Variants in CDK19 observed in about 807,000 individuals in gnomAD.
CDK19 encodes cyclin-dependent kinase 19.
Under a neutral mutation model 68.3 loss-of-function variants are expected in CDK19, and 20 were observed. That is an observed-to-expected ratio of 0.29 (90% CI 0.21 to 0.43). The LOEUF (loss-of-function observed/expected upper bound fraction) is 0.43, where lower values mean the gene tolerates loss of function less well. CDK19 is among the 20% of genes least tolerant of loss of function. CDK19 has a pLI of 1.00. For missense variants in CDK19, 339 were observed against 623.5 expected, an observed-to-expected ratio of 0.54 and a Z score of 4.86; for synonymous variants, 221 against 222.8, an observed-to-expected ratio of 0.99 and a Z score of 0.07.
In CDK19 at chr6:110,744,020, T is replaced by TG. The variant is rs1294402957; in HGVS notation, c.204+2105_204+2106insC. ...ACAAATACCTCCCCACGTTTTTTTTTTTTTTTTTTTTGAGACAGAGTCTCG... is the reference window on the plus strand; with the variant it reads ...ACAAATACCTCCCCACGTTTTTTTTTGTTTTTTTTTTTGAGACAGAGTCTCG... On this transcript the variant is annotated intron_variant, in intron 2 of 12. Transcript: ENST00000368911. Among the ~76,000 whole-genome samples, 26 of 148,632 alleles carry TG rather than the reference T, an allele frequency of 1.7e-4. 1 individual carries two copies. Among genetic ancestry groups the TG allele is most frequent in the South Asian group, 1.3e-3 (6 of 4,620 alleles).
In CDK19 at chr6:110,688,134, C is replaced by G. The variant is rs555655903; in HGVS notation, c.205-17593G>C. ...GGCATGGTGGCTCATGCCTGTAATCCCAGCACTTTGGGAGGCCAAGGTGGG... is the reference window on the plus strand; with the variant it reads ...GGCATGGTGGCTCATGCCTGTAATCGCAGCACTTTGGGAGGCCAAGGTGGG... On this transcript the variant is annotated intron_variant, in intron 2 of 12. Transcript: ENST00000368911. Among the ~76,000 whole-genome samples the G allele has an allele frequency of 3.9e-5, 6 of 151,984 alleles. No homozygotes were observed. The South Asian group carries it at 8.3e-4, about 21-fold the overall frequency.
intron 2 of CDK19, among the ~76,000 whole-genome samples, chr6:110,675,276 G>A (rs1216536273): frequency 6.6e-6 from 1 of 152,192 alleles, no homozygotes; most frequent in Non-Finnish European, 1.5e-5. Context: ...CGCAACTGGT[G>A]ATTTGAAGTT....
At chr6:110,791,856 G>A (rs1265184103) in intron 1 of CDK19, among the ~76,000 whole-genome samples, 1 of 151,912 alleles carries the variant, frequency 6.6e-6, no homozygotes, top group Non-Finnish European at 1.5e-5. Flanking sequence ...ATGTTGTCTA[G>A]GCTGATCTTG....
At chr6:110,790,368 C>T (rs1781505039) in intron 1 of CDK19, among the ~76,000 whole-genome samples, 1 of 152,008 alleles carries the variant, frequency 6.6e-6, no homozygotes, top group Admixed American at 6.6e-5. Flanking sequence ...AAACCCATCT[C>T]TACTAAAAAT....
At chr6:110,812,443 G>A (rs1783179586) in intron 1 of CDK19, among the ~76,000 whole-genome samples, 1 of 152,076 alleles carries the variant, frequency 6.6e-6, no homozygotes, top group Admixed American at 6.6e-5. Context: ...TTTAATTAAA[G>A]GTGAAAAACT....
In CDK19 at chr6:110,667,479, A is replaced by G; in HGVS notation, c.411T>C (p.Asp137=). Residue 137 remains aspartate (D), a synonymous_variant, in exon 4 of 13, where the codon GAT becomes GAC. Transcript: ENST00000368911. The stretch of plus-strand genomic sequence containing the variant: ...AATTTGCATGGAGGTAATGGATACC[A>G]TCAAGAATCTGGTAAAGTAAGGATT... ...MVKSLLYQIL[D]GIHYLHANWV... The G allele has an allele frequency of 3.1e-6, 5 of 1,597,892 alleles. No homozygotes were observed. Among genetic ancestry groups the G allele is most frequent in the Non-Finnish European group, 4.3e-6 (5 of 1,170,184 alleles).
chr6:110,758,348 C>T (rs919464886), intron 1 of CDK19, among the ~76,000 whole-genome samples: 2 of 152,128 alleles, frequency 1.3e-5, no homozygotes, highest in African/African-American at 2.4e-5. Flanking sequence ...AAGAGCTCAT[C>T]GAATTTAACA....
At position 110,621,042 on chromosome 6, in the gene CDK19, A is replaced by T; in HGVS notation, c.1377+62T>A. On this transcript the variant is annotated intron_variant, in intron 12 of 12. Transcript: ENST00000368911. This position sits in a 1 kb window ranked among gnomAD's most constrained non-coding sequence, Gnocchi z 5.4. Reference sequence around the variant, plus strand: ...TTAAGTGTTACTTAACTCTAAAAGGATCTAGGATAAATCTTTTCCCCACTT... The same window carrying T: ...TTAAGTGTTACTTAACTCTAAAAGGTTCTAGGATAAATCTTTTCCCCACTT... The T allele has an allele frequency of 6.7e-7, 1 of 1,485,322 alleles. No individual in the cohort carries two copies. The highest frequency in any genetic ancestry group is 9.1e-7 in the Non-Finnish European group (1 of 1,093,388). 92.0% of individuals were successfully genotyped at this position (1,485,322 alleles called of 1,614,324 possible). A position where few individuals can be genotyped will look rare whatever the true frequency, so the allele number is the denominator to read the frequency against.
At chr6:110,679,790 T>G (rs550387930) in intron 2 of CDK19, among the ~76,000 whole-genome samples, 4 of 152,352 alleles carry the variant, frequency 2.6e-5, no homozygotes, top group African/African-American at 9.6e-5. Context: ...GACATGAAGC[T>G]ATTAAATGGA....
chr6:110,657,407 A>T (rs567603840), intron 4 of CDK19, among the ~76,000 whole-genome samples: 1 of 152,194 alleles, frequency 6.6e-6, no homozygotes. Context: ...TTATTCTTAT[A>T]AGGTATCTAT....
intron 2 of CDK19, among the ~76,000 whole-genome samples, chr6:110,673,985 T>C (rs190427371): frequency 1.3e-5 from 2 of 152,328 alleles, no homozygotes; most frequent in Non-Finnish European, 1.5e-5. Flanking sequence ...GTGGCAACCC[T>C]GCATCAACCA....
intron 2 of CDK19, among the ~76,000 whole-genome samples, chr6:110,686,339 G>C (rs1331935697): frequency 6.6e-6 from 1 of 152,182 alleles, no homozygotes; most frequent in Non-Finnish European, 1.5e-5. Flanking sequence ...TTGAGAATTT[G>C]AGCATTAATC....
In CDK19 at chr6:110,655,340, T is replaced by G. The variant is rs190184971; in HGVS notation, c.456+12094A>C. Among the ~76,000 whole-genome samples the G allele has an allele frequency of 1.1e-4, 16 of 150,814 alleles. No homozygotes were observed. The East Asian group carries it at 3.1e-3, about 29-fold the overall frequency. ...GAGATCGCGCCACTGCACTCTAGCC[T>G]GGGCAACAGAGCAAGACTCCATCTC... On this transcript the variant is annotated intron_variant, in intron 4 of 12. Transcript: ENST00000368911.
chr6:110,813,774 T>C (rs1562309886), intron 1 of CDK19: 2 of 152,386 alleles, frequency 1.3e-5, no homozygotes, highest in South Asian at 4.1e-4. Flanking sequence ...CTAGAGTTCA[T>C]ATACCAACCA....
intron 2 of CDK19, among the ~76,000 whole-genome samples, chr6:110,742,522 G>C (rs556933520): frequency 2.0e-5 from 3 of 152,282 alleles, no homozygotes; most frequent in Admixed American, 6.5e-5. Flanking sequence ...AGGCAGAATA[G>C]AGCCATATTT....
intron 2 of CDK19, among the ~76,000 whole-genome samples, chr6:110,704,655 A>T (rs1447873504): frequency 6.6e-6 from 1 of 152,250 alleles, no homozygotes; most frequent in Admixed American, 6.5e-5. Flanking sequence ...CATGTTATGA[A>T]TGCAGTCAAT....
intron 1 of CDK19, among the ~76,000 whole-genome samples, chr6:110,772,449 C>A (rs114862976): frequency 6.6e-6 from 1 of 151,884 alleles, no homozygotes; most frequent in Non-Finnish European, 1.5e-5. Context: ...CAATTCAAGA[C>A]GAGGAGATAT....
chr6:110,683,242 A>G, intron 2 of CDK19, among the ~76,000 whole-genome samples: 1 of 151,842 alleles, frequency 6.6e-6, no homozygotes. Flanking sequence ...TTGACAAATT[A>G]TAGCTTTTAT....
intron 2 of CDK19, among the ~76,000 whole-genome samples, chr6:110,690,116 C>T (rs1290651970): frequency 6.8e-6 from 1 of 147,452 alleles, no homozygotes; most frequent in Non-Finnish European, 1.5e-5. Flanking sequence ...TATTCCCCCT[C>T]GTTCAACACT....
Sources: allele counts gnomAD v4.1 joint callset (sites outside exome capture counted in the v4.1 genomes callset), GRCh38; gene constraint gnomAD v4.1.1; non-coding constraint Gnocchi (gnomAD v3.1); transcripts MANE v1.5; gene names NCBI Gene and HGNC (gene_info 2026-07-23, HGNC 2026-07-21).